The following SEZ6L variants were observed in gnomAD, a reference collection of about 807,000 sequenced individuals.
SEZ6L encodes the protein seizure related 6 homolog like.
Under a neutral mutation model 106.2 loss-of-function variants are expected in SEZ6L, and 37 were observed. The ratio of observed to expected loss-of-function variants is 0.35; its 90% CI spans 0.27 to 0.46. SEZ6L has a LOEUF of 0.46. SEZ6L is among the 20% of genes least tolerant of loss of function. The probability of loss-of-function intolerance (pLI) is 1.00; values close to 1 mark genes in which losing one functional copy is unlikely to be tolerated. For missense variants in SEZ6L, 1,172 were observed against 1,332.8 expected (o/e 0.88, Z 1.88); for synonymous variants, 541 against 570.4 (o/e 0.95, Z 0.73).
intron 1 of SEZ6L, among the ~76,000 whole-genome samples, chr22:26,240,092 T>TCACA (rs1556193806): frequency 3.0e-4 from 35 of 116,204 alleles, no homozygotes; most frequent in Middle Eastern, 4.5e-3. Context: ...ACACACACAC[T>TCACA]CACACACACA....
intron 1 of SEZ6L, among the ~76,000 whole-genome samples, chr22:26,171,851 C>A (rs952527182): frequency 1.3e-5 from 2 of 152,056 alleles, no homozygotes; most frequent in African/African-American, 2.4e-5. Context: ...AGACAATTGA[C>A]CTTCCACAAT....
intron 1 of SEZ6L, among the ~76,000 whole-genome samples, chr22:26,200,490 A>G (rs1414591930): frequency 1.3e-5 from 2 of 152,154 alleles, no homozygotes; most frequent in Non-Finnish European, 2.9e-5. Flanking sequence ...AATCCCCACC[A>G]GCCACCTCCT....
rs995141871 is a variant in SEZ6L at position 26,169,771 on chromosome 22, C to T, written c.94+8C>T. ...CGGCAGCGCTGGAGCGAGGTAAGCG[C>T]CCCGAGGGGCGGGGCGGGCAGGGGG... On this transcript the variant is annotated splice_region_variant and intron_variant, in intron 1 of 16. Transcript: ENST00000248933. The T allele has an allele frequency of 1.6e-6, 2 of 1,240,446 alleles. No homozygotes were observed. Among genetic ancestry groups the T allele is most frequent in the African/African-American group, 3.1e-5 (2 of 64,250 alleles). 76.8% of individuals were successfully genotyped at this position (1,240,446 alleles called of 1,614,324 possible).
intron 1 of SEZ6L, among the ~76,000 whole-genome samples, chr22:26,185,577 C>G (rs1488504973): frequency 6.6e-6 from 1 of 152,264 alleles, no homozygotes; most frequent in Non-Finnish European, 1.5e-5. Flanking sequence ...ATACATGCTG[C>G]CTTCTGGATT....
chr22:26,303,228 G>A (rs1187530204), intron 5 of SEZ6L, among the ~76,000 whole-genome samples: 1 of 152,194 alleles, frequency 6.6e-6, no homozygotes, highest in Non-Finnish European at 1.5e-5. Context: ...CCTGAAAGAA[G>A]TATGGAGCTT....
chr22:26,338,204 T>C (rs1034412104), intron 9 of SEZ6L, among the ~76,000 whole-genome samples: 1 of 152,210 alleles, frequency 6.6e-6, no homozygotes, highest in African/African-American at 2.4e-5. Flanking sequence ...TCTCCCCGTC[T>C]CCTGCAAGAT....
At chr22:26,371,149 T>C (rs913719445) in intron 13 of SEZ6L, among the ~76,000 whole-genome samples, 2 of 152,216 alleles carry the variant, frequency 1.3e-5, no homozygotes, top group African/African-American at 2.4e-5. Flanking sequence ...ATTCAGCCCT[T>C]CCTCTGTTGA....
chr22:26,343,592 T>C (rs2082914456), intron 10 of SEZ6L, among the ~76,000 whole-genome samples: 1 of 152,228 alleles, frequency 6.6e-6, no homozygotes, highest in African/African-American at 2.4e-5. Context: ...TGCTAGGCTC[T>C]GCACACCAGG....
chr22:26,284,533 C>G (rs1006541431), intron 1 of SEZ6L, among the ~76,000 whole-genome samples: 1 of 145,938 alleles, frequency 6.9e-6, no homozygotes, highest in African/African-American at 2.5e-5. Context: ...TCGCTTTAAC[C>G]CAGGAGGCGG....
chr22:26,210,128 A>G (rs977900443), intron 1 of SEZ6L, among the ~76,000 whole-genome samples: 6 of 152,184 alleles, frequency 3.9e-5, no homozygotes, highest in African/African-American at 1.4e-4. Context: ...ACTTAGTCCA[A>G]CCACCTGGGA....
chr22:26,363,244 C>G (rs1487943469), intron 12 of SEZ6L, among the ~76,000 whole-genome samples: 1 of 152,224 alleles, frequency 6.6e-6, no homozygotes, highest in Non-Finnish European at 1.5e-5. Context: ...TTTCAGTTGA[C>G]ATTACTCAAG....
rs1447869959 is a variant in SEZ6L, at chr22:26,382,666, G to A, written c.*2371G>A. On this transcript the variant is annotated 3_prime_UTR_variant, in exon 17 of 17. Transcript: ENST00000248933. ...ATACGAGTTCAACAATGTACAGTGT[G>A]ATTGAAAAGACAGGTTGGTGTCTAT... is the stretch of plus-strand genomic sequence containing the variant. 1 of 152,086 alleles carries A rather than the reference G, an allele frequency of 6.6e-6. No homozygotes were observed. The highest frequency in any genetic ancestry group is 1.5e-5 in the Non-Finnish European group (1 of 68,016). The allele number at this position is 152,086 out of a possible 1,614,324, so 9.4% of individuals were successfully genotyped here.
intron 1 of SEZ6L, among the ~76,000 whole-genome samples, chr22:26,222,021 TAGAAG>T (rs1442004358): frequency 6.6e-6 from 1 of 152,136 alleles, no homozygotes; most frequent in African/African-American, 2.4e-5. Flanking sequence ...AAGGTATCAA[TAGAAG>T]AGAAGACAGT....
intron 1 of SEZ6L, among the ~76,000 whole-genome samples, chr22:26,170,089 C>T (rs1020091126): frequency 1.3e-5 from 2 of 152,094 alleles, no homozygotes; most frequent in African/African-American, 4.8e-5. Context: ...CCCAAATTCC[C>T]GGCGCTTCTC....
chr22:26,349,648 G>A (rs1040495110), intron 11 of SEZ6L, among the ~76,000 whole-genome samples: 1 of 152,160 alleles, frequency 6.6e-6, no homozygotes, highest in Non-Finnish European at 1.5e-5. Flanking sequence ...TTACAGATGT[G>A]AACAACCACA....
chr22:26,351,563 T>TG, intron 12 of SEZ6L: 2 of 248,592 alleles, frequency 8.0e-6, no homozygotes, highest in Non-Finnish European at 7.7e-6. Flanking sequence ...GTTGGTTGGT[T>TG]TTAGATGGAA....
At chr22:26,204,405 C>T (rs761882279) in intron 1 of SEZ6L, among the ~76,000 whole-genome samples, 1 of 152,208 alleles carries the variant, frequency 6.6e-6, no homozygotes, top group Non-Finnish European at 1.5e-5. Context: ...TCGTTCTAGG[C>T]ACTTTACATC....
At chr22:26,286,146 T>C (rs1189387679) in intron 1 of SEZ6L, among the ~76,000 whole-genome samples, 1 of 152,212 alleles carries the variant, frequency 6.6e-6, no homozygotes, top group East Asian at 1.9e-4. Flanking sequence ...CATCCATTGA[T>C]TCACCTGTCA....
At chr22:26,363,176 C>A (rs1407695703) in intron 12 of SEZ6L, among the ~76,000 whole-genome samples, 1 of 152,156 alleles carries the variant, frequency 6.6e-6, no homozygotes, top group Non-Finnish European at 1.5e-5. Flanking sequence ...TCAGAAGAAT[C>A]CAGAAATCTA....
Sources: gnomAD v4.1 joint callset for allele counts (sites outside exome capture counted in the v4.1 genomes callset) on GRCh38, gnomAD v4.1.1 for gene constraint, MANE v1.5 for transcripts, NCBI Gene and HGNC (gene_info 2026-07-23, HGNC 2026-07-21) for gene names.